MAML2: variants seen among roughly 807,000 people sequenced by gnomAD.
MAML2 encodes mastermind-like protein 2.
Under a neutral mutation model 96.1 loss-of-function variants are expected in MAML2, and 22 were observed. That is an observed-to-expected ratio of 0.23 (90% CI 0.16 to 0.33). The LOEUF is 0.33. Ranked by LOEUF, MAML2 falls within the 10% of genes least tolerant of loss-of-function variation. The probability of loss-of-function intolerance (pLI) is 1.00; values close to 1 mark genes in which losing one functional copy is unlikely to be tolerated. For synonymous variants in MAML2, 561 were observed against 521.3 expected, an observed-to-expected ratio of 1.08 and a Z score of -1.04; for missense variants, 1,367 against 1,392.4, an observed-to-expected ratio of 0.98 and a Z score of 0.29.
intron 1 of MAML2, among the ~76,000 whole-genome samples, chr11:96,196,468 G>C (rs1591066820): frequency 6.6e-6 from 1 of 152,184 alleles, no homozygotes; most frequent in Non-Finnish European, 1.5e-5. Context: ...ATACAGAAAA[G>C]GAGACGTGTA....
In MAML2 at chr11:96,219,551, A is replaced by G. The variant is rs76270039; in HGVS notation, c.513+121832T>C. On this transcript the variant is annotated intron_variant, in intron 1 of 4. Coordinates refer to ENST00000524717, the MANE Select transcript of MAML2 (RefSeq NM_032427.4). ...CAGCATGAGCCTAGGAGTCAGACCAATTTTGGTTTCCAATGCTGCCCTGTC... is the reference window on the plus strand; with the variant it reads ...CAGCATGAGCCTAGGAGTCAGACCAGTTTTGGTTTCCAATGCTGCCCTGTC... Among the ~76,000 whole-genome samples the G allele has an allele frequency of 3.7e-3, 558 of 152,284 alleles. 14 individuals carry two copies. The highest frequency in any genetic ancestry group is 0.024 in the Admixed American group (372 of 15,294).
chr11:96,018,504 A>T (rs1212003792), intron 2 of MAML2, among the ~76,000 whole-genome samples: 1 of 152,256 alleles, frequency 6.6e-6, no homozygotes, highest in Non-Finnish European at 1.5e-5. Context: ...GAAGTCTGGT[A>T]TATGAAGAAG....
intron 1 of MAML2, among the ~76,000 whole-genome samples, chr11:96,150,446 A>G (rs1437021766): frequency 6.6e-6 from 1 of 152,132 alleles, no homozygotes; most frequent in South Asian, 2.1e-4. Flanking sequence ...CTTGAATCCT[A>G]TGGGTTGTGT....
intron 2 of MAML2, among the ~76,000 whole-genome samples, chr11:96,017,845 G>A (rs1173568281): frequency 6.6e-6 from 1 of 152,190 alleles, no homozygotes; most frequent in Non-Finnish European, 1.5e-5. Flanking sequence ...GGAGAAGCAG[G>A]GGAGACATGG....
intron 1 of MAML2, among the ~76,000 whole-genome samples, chr11:96,279,769 C>CTTTAAAG (rs1863040332): frequency 6.6e-6 from 1 of 152,164 alleles, no homozygotes; most frequent in Non-Finnish European, 1.5e-5. Context: ...TTTAAAGCCA[C>CTTTAAAG]CCTCCTGAGA....
At chr11:96,091,034 C>G (rs1201634326) in intron 2 of MAML2, among the ~76,000 whole-genome samples, 1 of 152,146 alleles carries the variant, frequency 6.6e-6, no homozygotes, top group Non-Finnish European at 1.5e-5. Flanking sequence ...TTTAGGTTCC[C>G]TGGGGATCAG....
chr11:96,115,851 A>C (rs1860227671), intron 1 of MAML2, among the ~76,000 whole-genome samples: 1 of 152,154 alleles, frequency 6.6e-6, no homozygotes, highest in Non-Finnish European at 1.5e-5. Flanking sequence ...AACTTGAAGC[A>C]CTGAGAGGTG....
At chr11:96,273,872 G>A (rs540350744) in intron 1 of MAML2, among the ~76,000 whole-genome samples, 1 of 152,158 alleles carries the variant, frequency 6.6e-6, no homozygotes, top group Admixed American at 6.5e-5. Flanking sequence ...TATATCAAAT[G>A]GAGATTTAAA....
chr11:96,246,591 C>T (rs1862515258), intron 1 of MAML2, among the ~76,000 whole-genome samples: 2 of 152,094 alleles, frequency 1.3e-5, no homozygotes, highest in Admixed American at 6.6e-5. Context: ...ATTAAGTGCT[C>T]AATCTCTTTA....
intron 1 of MAML2, among the ~76,000 whole-genome samples, chr11:96,219,176 C>T (rs892943927): frequency 6.6e-6 from 1 of 152,226 alleles, no homozygotes; most frequent in African/African-American, 2.4e-5. Flanking sequence ...AGGCCCTTCA[C>T]ATACTGGGCA....
chr11:96,201,361 G>C (rs1861819550), intron 1 of MAML2, among the ~76,000 whole-genome samples: 1 of 152,166 alleles, frequency 6.6e-6, no homozygotes, highest in East Asian at 1.9e-4. Flanking sequence ...AATTATAACA[G>C]CATTTTGCCA....
intron 1 of MAML2, among the ~76,000 whole-genome samples, chr11:96,100,735 C>CTTTTTTTTTTTTTTTTTTTTTTTTT (rs66593553): frequency 7.3e-6 from 1 of 136,160 alleles, no homozygotes. Flanking sequence ...GTCAAAATAG[C>CTTTTTTTTTTTTTTTTTTTTTTTTT]TTTTTTTTTT....
chr11:96,054,739 A>G (rs974093215), intron 2 of MAML2, among the ~76,000 whole-genome samples: 1 of 152,080 alleles, frequency 6.6e-6, no homozygotes, highest in African/African-American at 2.4e-5. Flanking sequence ...TTCCAAAGGC[A>G]TTTTTGCAGT....
chr11:96,272,047 C>T (rs1048727188), intron 1 of MAML2, among the ~76,000 whole-genome samples: 1 of 152,150 alleles, frequency 6.6e-6, no homozygotes, highest in Non-Finnish European at 1.5e-5. Flanking sequence ...TATCCTACAC[C>T]TCCTTCAGGT....
chr11:95,988,099 A>G (rs1857856512), intron 3 of MAML2, among the ~76,000 whole-genome samples: 1 of 150,994 alleles, frequency 6.6e-6, no homozygotes, highest in African/African-American at 2.4e-5. Flanking sequence ...TCTACCGTTT[A>G]TACTGAAGAC....
intron 1 of MAML2, among the ~76,000 whole-genome samples, chr11:96,174,439 A>G (rs1489854796): frequency 6.6e-6 from 1 of 152,226 alleles, no homozygotes; most frequent in African/African-American, 2.4e-5. Context: ...GCTCGAGTGC[A>G]ATGGCACAGT....
chr11:95,993,208 A>G (rs1857940246), intron 2 of MAML2, among the ~76,000 whole-genome samples: 1 of 59,274 alleles, frequency 1.7e-5, no homozygotes, highest in Non-Finnish European at 3.7e-5. Flanking sequence ...CTGTGCCCAG[A>G]AAAAAAAAAA....
chr11:96,012,723 AATG>A (rs1389764450), intron 2 of MAML2, among the ~76,000 whole-genome samples: 1 of 152,236 alleles, frequency 6.6e-6, no homozygotes, highest in African/African-American at 2.4e-5. Flanking sequence ...TAAGCAACAC[AATG>A]ATAAGTTGCT....
intron 1 of MAML2, among the ~76,000 whole-genome samples, chr11:96,124,991 C>T (rs1341759837): frequency 6.6e-6 from 1 of 152,128 alleles, no homozygotes; most frequent in African/African-American, 2.4e-5. Context: ...ACACCTGTCT[C>T]CTAAATTGGG....
Sources: gnomAD v4.1 joint callset for allele counts (sites outside exome capture counted in the v4.1 genomes callset) on GRCh38, gnomAD v4.1.1 for gene constraint, MANE v1.5 for transcripts, NCBI Gene and HGNC (gene_info 2026-07-23, HGNC 2026-07-21) for gene names.